Variants in CPLX3 observed in about 807,000 individuals in gnomAD.
The protein encoded by CPLX3 is complexin 3, also known as complexin-3.
In CPLX3, 12 loss-of-function variants were observed where a neutral mutation model predicts 17.2. The observed-to-expected ratio is 0.70, with a 90% CI of 0.45 to 1.13. CPLX3 has a LOEUF of 1.13. Ranked by LOEUF, CPLX3 falls within the 50% of genes most tolerant of loss-of-function variation. The pLI, the probability that CPLX3 is intolerant of heterozygous loss-of-function variation, is 0.00. For missense variants in CPLX3, 172 were observed against 203.2 expected, an observed-to-expected ratio of 0.85 and a Z score of 0.93; for synonymous variants, 75 against 79.4, an observed-to-expected ratio of 0.94 and a Z score of 0.29.
chr15:74,827,177 A>T (rs542960429), intron 1 of CPLX3, among the ~76,000 whole-genome samples: 15 of 152,074 alleles, frequency 9.9e-5, no homozygotes, highest in Non-Finnish European at 1.9e-4. Flanking sequence ...CCTTAATCCG[A>T]TCTGGTCCCA....
At position 74,830,377 on chromosome 15, in the gene CPLX3, T is replaced by C. The variant is rs1303623157; in HGVS notation, c.*23T>C. ...TGACCACTTCCCCGGGGTTACCCAC[T>C]GGGCTGGGCCCCCATGAGGGCTAAG... is the stretch of plus-strand genomic sequence containing the variant. On this transcript the variant is annotated 3_prime_UTR_variant, in exon 3 of 3. Coordinates refer to ENST00000395018, the MANE Select transcript of CPLX3 (RefSeq NM_001030005.3). The C allele has an allele frequency of 6.3e-7, 1 of 1,589,986 alleles. No homozygotes were observed. Among genetic ancestry groups the C allele is most frequent in the Non-Finnish European group, 8.6e-7 (1 of 1,164,028 alleles).
chr15:74,830,581 T>A lies in CPLX3; in HGVS notation c.*227T>A. On this transcript the variant is annotated 3_prime_UTR_variant, in exon 3 of 3. Coordinates refer to ENST00000395018, the MANE Select transcript of CPLX3 (RefSeq NM_001030005.3). ...CAGGACCCTCCCCACCAGCTCAGCC[T>A]GTGGAGGCCTCCCAAGATTGTAGGA... 1 of 530,392 alleles carries A rather than the reference T, an allele frequency of 1.9e-6. No homozygotes were observed. The allele number at this position is 530,392 out of a possible 1,614,324, so 32.9% of individuals were successfully genotyped here. A position where few individuals can be genotyped will look rare whatever the true frequency, so the allele number is the denominator to read the frequency against.
At chr15:74,828,344 A>G (rs1295006696) in intron 2 of CPLX3, among the ~76,000 whole-genome samples, 5 of 152,210 alleles carry the variant, frequency 3.3e-5, no homozygotes, top group Non-Finnish European at 7.3e-5. Flanking sequence ...CCCAGTCCTC[A>G]TGAGACTGAC....
rs370498925 is a variant in CPLX3 at position 74,831,769 on chromosome 15, A to G, written c.*1415A>G. ...CCATTTATAAAGCATATGACAAACC[A>G]TATCAATAAATGTAACTCATTCTTT... On this transcript the variant is annotated 3_prime_UTR_variant, in exon 3 of 3. Transcript: ENST00000395018. 6.6e-6 allele frequency: 1 copy of G among 152,202 alleles called. No individual in the cohort carries two copies. Among genetic ancestry groups the G allele is most frequent in the Non-Finnish European group, 1.5e-5 (1 of 68,042 alleles). 9.4% of individuals were successfully genotyped at this position (152,202 alleles called of 1,614,324 possible).
At chr15:74,829,435 TTTAAGTTAC>T (rs528536779) in intron 2 of CPLX3, among the ~76,000 whole-genome samples, 88 of 152,328 alleles carry the variant, frequency 5.8e-4, no homozygotes, top group African/African-American at 1.9e-3. Flanking sequence ...TCTTGGATAA[TTTAAGTTAC>T]TTAAGTTACT....
chr15:74,826,984 G>A lies in CPLX3; in HGVS notation c.164+117G>A, dbSNP rs927334784. 38 of 935,562 alleles carry A rather than the reference G, an allele frequency of 4.1e-5. No individual in the cohort carries two copies. The African/African-American group carries it at 5.8e-4, about 14-fold the overall frequency. The allele number at this position is 935,562 out of a possible 1,614,324, so 58.0% of individuals were successfully genotyped here. ...CCTTCTCCCCTACTTTCCTAGACACGGTAAGAGACCGGGAGGTGTCCTCTA... is the reference window on the plus strand; with the variant it reads ...CCTTCTCCCCTACTTTCCTAGACACAGTAAGAGACCGGGAGGTGTCCTCTA... On this transcript the variant is annotated intron_variant, in intron 1 of 2. Transcript: ENST00000395018. The surrounding 1 kb of genome is among the most constrained non-coding windows in gnomAD (Gnocchi z 5.0).
Position 74,830,757 on chromosome 15 carries a change from C to T in CPLX3, c.*403C>T, listed in dbSNP as rs1301868288. 5.7e-6 allele frequency: 1 copy of T among 173,976 alleles called. No individual in the cohort carries two copies. The highest frequency in any genetic ancestry group is 2.4e-5 in the African/African-American group (1 of 42,040). The allele number at this position is 173,976 out of a possible 1,614,324, so 10.8% of individuals were successfully genotyped here. ...CAGACAGACACACACGAGGCCAGCT[C>T]CCTTGCGTGTCCAGCCCCTCCAGAC... is the stretch of plus-strand genomic sequence containing the variant. On this transcript the variant is annotated 3_prime_UTR_variant, in exon 3 of 3. Transcript: ENST00000395018.
intron 2 of CPLX3, among the ~76,000 whole-genome samples, chr15:74,829,072 TCAA>T (rs1421040802): frequency 1.3e-5 from 2 of 152,132 alleles, no homozygotes; most frequent in Admixed American, 6.5e-5. Flanking sequence ...ATTCACTCAT[TCAA>T]CAAATATTTA....
chr15:74,827,136 G>C lies in CPLX3; in HGVS notation c.164+269G>C, dbSNP rs545830036. Among the ~76,000 whole-genome samples, 76 of 152,220 alleles carry C rather than the reference G, an allele frequency of 5.0e-4. 1 individual carries two copies. The highest frequency in any genetic ancestry group is 9.0e-4 in the Non-Finnish European group (61 of 68,042). Reference sequence around the variant, plus strand: ...ACCGGAGCCTGGGACGAGGAAGGGGGTGCACGTGCGTTTCTGACGAAACGA... The same window carrying C: ...ACCGGAGCCTGGGACGAGGAAGGGGCTGCACGTGCGTTTCTGACGAAACGA... On this transcript the variant is annotated intron_variant, in intron 1 of 2. Transcript: ENST00000395018.
At chr15:74,829,346 G>C (rs1164175392) in intron 2 of CPLX3, among the ~76,000 whole-genome samples, 1 of 152,036 alleles carries the variant, frequency 6.6e-6, no homozygotes, top group East Asian at 1.9e-4. Flanking sequence ...GGTCATCGTA[G>C]GTGCCATGCA....
At chr15:74,827,926 C>G (rs955580193) in intron 1 of CPLX3, 108 bp from the exon 2 acceptor site, 5 of 875,236 alleles carry the variant, frequency 5.7e-6, no homozygotes, top group African/African-American at 5.0e-5. Context: ...CACACAGGGA[C>G]CAATGCAGCA....
intron 2 of CPLX3, 64 bp downstream of exon 2, chr15:74,828,185 C>A: frequency 1.5e-6 from 2 of 1,348,706 alleles, no homozygotes; most frequent in Non-Finnish European, 1.0e-6. Context: ...GACTCCTTCG[C>A]CCCATTCTGG....
chr15:74,830,264 TC>T lies in CPLX3; in HGVS notation c.389del (p.Pro130LeufsTer3). The T allele has an allele frequency of 1.2e-6, 2 of 1,613,918 alleles. No individual in the cohort carries two copies. The highest frequency in any genetic ancestry group is 1.7e-6 in the Non-Finnish European group (2 of 1,180,016). Reference protein sequence around the residue: ...ASVLGQLASLPGLNLGSLKDK... With the variant: ...ASVLGQLASLXGLNLGSLKDK... ...CAGTCCTTGGGCAGCTGGCCAGCCT[TC>T]CTGGCTTGAACCTGGGCTCACTCAA... On this transcript the variant is annotated frameshift_variant, in exon 3 of 3. Coordinates refer to ENST00000395018, the MANE Select transcript of CPLX3 (RefSeq NM_001030005.3). LOFTEE classifies it high-confidence loss of function.
At chr15:74,829,308 GC>G (rs1483602102) in intron 2 of CPLX3, among the ~76,000 whole-genome samples, 1 of 151,922 alleles carries the variant, frequency 6.6e-6, no homozygotes, top group Non-Finnish European at 1.5e-5. Flanking sequence ...GACATAAGGC[GC>G]CCCCCAGAAG....
chr15:74,827,598 A>T (rs988250828), intron 1 of CPLX3, among the ~76,000 whole-genome samples: 3 of 152,196 alleles, frequency 2.0e-5, no homozygotes, highest in Admixed American at 1.3e-4. Context: ...CAGTTTTGTG[A>T]GTTGCAAAAT....
chr15:74,826,885 C>T lies in CPLX3; in HGVS notation c.164+18C>T, dbSNP rs375830811. 1.3e-6 allele frequency: 2 copies of T among 1,593,334 alleles called. No homozygotes were observed. The highest frequency in any genetic ancestry group is 1.4e-5 in the African/African-American group (1 of 73,134). ...GAAGAGAAGTGAGTGGGATCCCTTCCTGGCTCCAACGACCTCCCCTCCCCA... is the reference window on the plus strand; with the variant it reads ...GAAGAGAAGTGAGTGGGATCCCTTCTTGGCTCCAACGACCTCCCCTCCCCA... On this transcript the variant is annotated intron_variant, in intron 1 of 2. Coordinates refer to ENST00000395018, the MANE Select transcript of CPLX3 (RefSeq NM_001030005.3). This position sits in a 1 kb window ranked among gnomAD's most constrained non-coding sequence, Gnocchi z 5.0.
intron 1 of CPLX3, among the ~76,000 whole-genome samples, chr15:74,827,300 G>A (rs1157417753): frequency 1.3e-5 from 2 of 152,208 alleles, no homozygotes; most frequent in Non-Finnish European, 2.9e-5. Flanking sequence ...CACAAACATT[G>A]AGCACTTGTG....
At position 74,829,528 on chromosome 15, in the gene CPLX3, G is replaced by A. The variant is rs2063958710; in HGVS notation, c.253-602G>A. Among the ~76,000 whole-genome samples the A allele has an allele frequency of 2.6e-5, 4 of 152,146 alleles. No individual in the cohort carries two copies. The South Asian group carries it at 8.3e-4, about 32-fold the overall frequency. Reference sequence around the variant, plus strand: ...AAGCCTCAATTTCCTTATTTGTGAAGTGGAAATAACAATACCTACCTACCT... The same window carrying A: ...AAGCCTCAATTTCCTTATTTGTGAAATGGAAATAACAATACCTACCTACCT... On this transcript the variant is annotated intron_variant, in intron 2 of 2. Coordinates refer to ENST00000395018, the MANE Select transcript of CPLX3 (RefSeq NM_001030005.3).
chr15:74,830,310 C>A lies in CPLX3; in HGVS notation c.433C>A (p.Leu145Met), dbSNP rs751061419. Reference protein sequence around the residue: ...GSLKDKAQATLGDLKQSAEKC... With the variant: ...GSLKDKAQATMGDLKQSAEKC... ...ACTCAAGGACAAGGCCCAGGCCACA[C>A]TGGGGGATCTCAAGCAATCAGCTGA... The change falls in exon 3 of 3, where the codon CTG becomes ATG. Residue 145 changes from leucine to methionine, a missense_variant. Coordinates refer to ENST00000395018, the MANE Select transcript of CPLX3 (RefSeq NM_001030005.3). 1 of 1,613,838 alleles carries A rather than the reference C, an allele frequency of 6.2e-7. No individual in the cohort carries two copies. The highest frequency in any genetic ancestry group is 1.1e-5 in the South Asian group (1 of 91,054).
Sources: gnomAD v4.1 joint callset for allele counts (sites outside exome capture counted in the v4.1 genomes callset) on GRCh38, gnomAD v4.1.1 for gene constraint, Gnocchi (gnomAD v3.1) non-coding constraint, MANE v1.5 for transcripts, NCBI Gene and HGNC (gene_info 2026-07-23, HGNC 2026-07-21) for gene names.